The following DLG2 variants were observed in gnomAD, a reference collection of about 807,000 sequenced individuals.
DLG2 encodes disks large homolog 2.
DLG2 carries 45 observed loss-of-function variants against 132.5 expected under a neutral mutation model. The observed-to-expected ratio is 0.34, with a 90% CI of 0.27 to 0.44. The LOEUF (loss-of-function observed/expected upper bound fraction) is 0.44. Ranked by LOEUF, DLG2 falls within the 20% of genes least tolerant of loss-of-function variation. The pLI, the probability that DLG2 is intolerant of heterozygous loss-of-function variation, is 1.00. For synonymous variants in DLG2, 424 were observed against 419.6 expected, an observed-to-expected ratio of 1.01 and a Z score of -0.13; for missense variants, 1,045 against 1,196.9, an observed-to-expected ratio of 0.87 and a Z score of 1.87.
At chr11:84,334,340 T>G (rs2098474347) in intron 7 of DLG2, among the ~76,000 whole-genome samples, 1 of 152,030 alleles carries the variant, frequency 6.6e-6, no homozygotes, top group African/African-American at 2.4e-5. Flanking sequence ...AGTTTGGAGG[T>G]TTTAGGGGAC....
At chr11:85,178,922 A>C (rs1566972807) in intron 4 of DLG2, among the ~76,000 whole-genome samples, 1 of 152,046 alleles carries the variant, frequency 6.6e-6, no homozygotes, top group South Asian at 2.1e-4. Flanking sequence ...AGGAGGATGA[A>C]GAGAACGCTG....
At chr11:83,762,052 G>A (rs1315181408) in intron 18 of DLG2, among the ~76,000 whole-genome samples, 1 of 152,154 alleles carries the variant, frequency 6.6e-6, no homozygotes, top group Non-Finnish European at 1.5e-5. Context: ...CTATTTAAGA[G>A]CTCAAAGCAG....
At chr11:84,292,049 T>C (rs1345480954) in intron 7 of DLG2, among the ~76,000 whole-genome samples, 1 of 152,154 alleles carries the variant, frequency 6.6e-6, no homozygotes, top group East Asian at 1.9e-4. Flanking sequence ...ATTGACATCA[T>C]GACGGAATGA....
chr11:84,624,847 G>T (rs1284532608), intron 6 of DLG2, among the ~76,000 whole-genome samples: 1 of 118,840 alleles, frequency 8.4e-6, no homozygotes, highest in South Asian at 3.1e-4. Flanking sequence ...CCTCTCAGAA[G>T]AGAGTCAACC....
At chr11:84,665,313 T>A (rs1200141948) in intron 6 of DLG2, among the ~76,000 whole-genome samples, 2 of 152,128 alleles carry the variant, frequency 1.3e-5, no homozygotes, top group African/African-American at 2.4e-5. Context: ...ATTTTACAGA[T>A]GAGGGAATGG....
intron 8 of DLG2, among the ~76,000 whole-genome samples, chr11:84,190,863 C>G (rs2096393649): frequency 6.6e-6 from 1 of 152,076 alleles, no homozygotes; most frequent in Non-Finnish European, 1.5e-5. Context: ...ATAGGAACAG[C>G]TATCGTAATA....
chr11:84,885,774 T>C lies in DLG2; in HGVS notation c.357+225887A>G, dbSNP rs1344435588. On this transcript the variant is annotated intron_variant, in intron 6 of 27. Coordinates refer to ENST00000376104, the MANE Select transcript of DLG2 (RefSeq NM_001142699.3). ...AGCACCACCTTAACATTGACCCTTT[T>C]AGGATACAACGTTCCAAGGAAAAGT... Among the ~76,000 whole-genome samples the C allele has an allele frequency of 3.3e-5, 5 of 152,216 alleles. No individual in the cohort carries two copies. The East Asian group carries it at 9.7e-4, about 29-fold the overall frequency.
chr11:85,333,368 A>T (rs1203740762), intron 3 of DLG2, among the ~76,000 whole-genome samples: 1 of 152,160 alleles, frequency 6.6e-6, no homozygotes, highest in Non-Finnish European at 1.5e-5. Flanking sequence ...TCTGGGTATA[A>T]AATCATATCA....
intron 3 of DLG2, among the ~76,000 whole-genome samples, chr11:85,595,237 T>C (rs766891125): frequency 6.6e-6 from 1 of 152,132 alleles, no homozygotes; most frequent in Non-Finnish European, 1.5e-5. Flanking sequence ...GAATTCCAAT[T>C]CCATCTAAAT....
chr11:84,111,784 T>C (rs190951347), intron 9 of DLG2, among the ~76,000 whole-genome samples: 56 of 152,288 alleles, frequency 3.7e-4, no homozygotes, highest in African/African-American at 1.3e-3. Context: ...GCCATATACA[T>C]GGGGAACAGC....
rs1269394878 is a variant in DLG2, at chr11:84,715,680, T to C, written c.358-180949A>G. 3.3e-5 allele frequency among the ~76,000 whole-genome samples: 5 copies of C among 152,280 alleles called. No homozygotes were observed. The East Asian group carries it at 9.7e-4, about 29-fold the overall frequency. On this transcript the variant is annotated intron_variant, in intron 6 of 27. Transcript: ENST00000376104. ...TTAATGTCCTCCAGGTGTATCCATG[T>C]TATTGCAAATGTAAGGTTATCCTTC...
At chr11:84,755,308 G>A (rs940134505) in intron 6 of DLG2, among the ~76,000 whole-genome samples, 2 of 152,202 alleles carry the variant, frequency 1.3e-5, no homozygotes, top group Non-Finnish European at 2.9e-5. Context: ...TTTGTAGAAT[G>A]TTACATGAGT....
rs2058143501 is a variant in DLG2 at position 85,000,847 on chromosome 11, C to A, written c.357+110814G>T. Among the ~76,000 whole-genome samples, 5 of 151,994 alleles carry A rather than the reference C, an allele frequency of 3.3e-5. No individual in the cohort carries two copies. The South Asian group carries it at 1.0e-3, about 32-fold the overall frequency. ...AATAAATTACACGTGCAATTTTAAT[C>A]TCATCTGAGAACACAGCCTCATCAT... On this transcript the variant is annotated intron_variant, in intron 6 of 27. Coordinates refer to ENST00000376104, the MANE Select transcript of DLG2 (RefSeq NM_001142699.3).
intron 6 of DLG2, among the ~76,000 whole-genome samples, chr11:84,644,762 G>A (rs1275372465): frequency 6.6e-6 from 1 of 150,786 alleles, no homozygotes; most frequent in Non-Finnish European, 1.5e-5. Flanking sequence ...AGCAGACCAA[G>A]AAAAGAAAAT....
chr11:83,556,720 T>C (rs2096527012), intron 19 of DLG2, among the ~76,000 whole-genome samples: 1 of 152,124 alleles, frequency 6.6e-6, no homozygotes, highest in South Asian at 2.1e-4. Flanking sequence ...GATAAGGAAG[T>C]AATTGGGAAA....
chr11:84,110,067 C>T (rs1462960393), intron 9 of DLG2, among the ~76,000 whole-genome samples: 1 of 152,146 alleles, frequency 6.6e-6, no homozygotes, highest in Non-Finnish European at 1.5e-5. Context: ...TCACTTCTCT[C>T]CTTCCTTCTC....
At chr11:85,283,921 A>C (rs1397277856) in intron 4 of DLG2, among the ~76,000 whole-genome samples, 1 of 151,850 alleles carries the variant, frequency 6.6e-6, no homozygotes, top group Admixed American at 6.6e-5. Flanking sequence ...ATACACATGC[A>C]CATCCATTAC....
chr11:84,152,810 C>A (rs1377494431), intron 9 of DLG2, among the ~76,000 whole-genome samples: 1 of 152,096 alleles, frequency 6.6e-6, no homozygotes, highest in Non-Finnish European at 1.5e-5. Flanking sequence ...ATCTAGCTTG[C>A]CACTTTGTGC....
intron 6 of DLG2, among the ~76,000 whole-genome samples, chr11:84,658,781 C>T (rs1595070690): frequency 1.3e-5 from 2 of 152,176 alleles, no homozygotes; most frequent in East Asian, 3.9e-4. Context: ...CATAGGCCAG[C>T]ACATGCTGGT....
Sources: allele counts gnomAD v4.1 joint callset (sites outside exome capture counted in the v4.1 genomes callset), GRCh38; gene constraint gnomAD v4.1.1; transcripts MANE v1.5; gene names NCBI Gene and HGNC (gene_info 2026-07-23, HGNC 2026-07-21).